The following RPS6KC1 variants were observed in gnomAD, a reference collection of about 807,000 sequenced individuals.
RPS6KC1 encodes ribosomal protein S6 kinase C1.
Under a neutral mutation model 103.8 loss-of-function variants are expected in RPS6KC1, and 54 were observed. That is an observed-to-expected ratio of 0.52 (90% CI 0.42 to 0.65). The LOEUF is 0.65. RPS6KC1 is among the 30% of genes least tolerant of loss of function. RPS6KC1 has a pLI of 0.00. For synonymous variants in RPS6KC1, 439 were observed against 438.7 expected (o/e 1.00, Z -0.01); for missense variants, 1,151 against 1,253.8 (o/e 0.92, Z 1.24).
chr1:213,101,878 A>T (rs2082046790), intron 3 of RPS6KC1, among the ~76,000 whole-genome samples: 4 of 152,224 alleles, frequency 2.6e-5, no homozygotes. Flanking sequence ...AATAATGAGC[A>T]TTTAATCTAG....
chr1:213,652,802 A>G, the RPS6KC1 span, among the ~76,000 whole-genome samples: 1 of 152,136 alleles, frequency 6.6e-6, no homozygotes, highest in Non-Finnish European at 1.5e-5. Flanking sequence ...CCCACCCTGC[A>G]CCTGAATGCA....
intron 5 of RPS6KC1, among the ~76,000 whole-genome samples, chr1:213,123,813 A>G (rs2084672303): frequency 6.6e-6 from 1 of 152,162 alleles, no homozygotes; most frequent in Non-Finnish European, 1.5e-5. Flanking sequence ...AGTGAAAGCT[A>G]TCAGCTAATA....
At chr1:213,076,919 G>C (rs928566770) in intron 2 of RPS6KC1, among the ~76,000 whole-genome samples, 3 of 151,764 alleles carry the variant, frequency 2.0e-5, no homozygotes, top group Non-Finnish European at 4.4e-5. Context: ...GCTGAGGCTG[G>C]AGTGCAGTGG....
intron 3 of RPS6KC1, among the ~76,000 whole-genome samples, chr1:213,102,014 G>A (rs2082061371): frequency 6.6e-6 from 1 of 152,166 alleles, no homozygotes; most frequent in Admixed American, 6.5e-5. Flanking sequence ...TAAGCGAGTA[G>A]TGTCATTTTA....
the RPS6KC1 span, among the ~76,000 whole-genome samples, chr1:213,407,690 GTCT>G: frequency 3.3e-5 from 5 of 152,184 alleles, no homozygotes; most frequent in Admixed American, 6.5e-5. Context: ...GTGTTTTGGA[GTCT>G]TCTTTGTGAA....
the RPS6KC1 span, among the ~76,000 whole-genome samples, chr1:213,609,514 G>A: frequency 6.6e-6 from 1 of 152,094 alleles, no homozygotes; most frequent in Non-Finnish European, 1.5e-5. Flanking sequence ...CAAACCAACA[G>A]CACAATCACC....
chr1:213,292,444 T>C, the RPS6KC1 span, among the ~76,000 whole-genome samples: 13 of 152,258 alleles, frequency 8.5e-5, no homozygotes, highest in Non-Finnish European at 1.6e-4. Flanking sequence ...TACAAAAAGG[T>C]CATCACTAAG....
chr1:213,324,986 A>T, the RPS6KC1 span, among the ~76,000 whole-genome samples: 2 of 152,082 alleles, frequency 1.3e-5, no homozygotes, highest in Admixed American at 1.3e-4. Flanking sequence ...CTCTCCAAGG[A>T]CCTCAATCTC....
At chr1:213,850,159 AT>A in the RPS6KC1 span, among the ~76,000 whole-genome samples, 1 of 152,120 alleles carries the variant, frequency 6.6e-6, no homozygotes, top group African/African-American at 2.4e-5. Context: ...GATAACAGTA[AT>A]CTTTATCTTG....
At chr1:213,237,167 T>C (rs1045340757) in intron 10 of RPS6KC1, among the ~76,000 whole-genome samples, 4 of 152,144 alleles carry the variant, frequency 2.6e-5, no homozygotes, top group Admixed American at 2.6e-4. Context: ...AGTATATCTT[T>C]ATGAGTATAT....
At chr1:213,825,814 T>A in the RPS6KC1 span, among the ~76,000 whole-genome samples, 454 of 152,344 alleles carry the variant, frequency 3.0e-3, 3 homozygotes, top group African/African-American at 0.01. Context: ...GTGGGATATT[T>A]TTGAGAAAAT....
At chr1:213,454,581 CA>C in the RPS6KC1 span, among the ~76,000 whole-genome samples, 3 of 152,156 alleles carry the variant, frequency 2.0e-5, no homozygotes, top group African/African-American at 7.2e-5. Context: ...TGTCTGTAGA[CA>C]AAAAGTATTC....
chr1:213,656,192 A>G, the RPS6KC1 span, among the ~76,000 whole-genome samples: 1 of 152,162 alleles, frequency 6.6e-6, no homozygotes, highest in Admixed American at 6.5e-5. Context: ...TCACAGAATC[A>G]TATGTGCAGC....
chr1:213,460,295 C>A, the RPS6KC1 span, among the ~76,000 whole-genome samples: 300 of 152,068 alleles, frequency 2.0e-3, 5 homozygotes, highest in Non-Finnish European at 3.1e-3. Flanking sequence ...GGATAGTTAG[C>A]TCTTCTTGTT....
chr1:213,168,060 G>A (rs1480871893), intron 7 of RPS6KC1, 87 bp downstream of exon 7: 1 of 745,788 alleles, frequency 1.3e-6, no homozygotes, highest in Non-Finnish European at 2.1e-6. Context: ...AATGTTATAG[G>A]ATTTTGATTT....
chr1:213,437,371 G>A, the RPS6KC1 span, among the ~76,000 whole-genome samples: 3 of 151,940 alleles, frequency 2.0e-5, no homozygotes, highest in African/African-American at 7.2e-5. Flanking sequence ...TTATTTGGTT[G>A]TAATGTAATT....
the RPS6KC1 span, among the ~76,000 whole-genome samples, chr1:213,367,469 A>C: frequency 6.6e-6 from 1 of 152,308 alleles, no homozygotes; most frequent in South Asian, 2.1e-4. Flanking sequence ...CTGTGACTTA[A>C]TGAGAATGGT....
the RPS6KC1 span, among the ~76,000 whole-genome samples, chr1:213,617,373 A>T: frequency 6.6e-6 from 1 of 152,212 alleles, no homozygotes. Context: ...CAGGGATAGG[A>T]GAGGCCAAGT....
chr1:213,414,402 G>T, the RPS6KC1 span, among the ~76,000 whole-genome samples: 1 of 152,156 alleles, frequency 6.6e-6, no homozygotes, highest in African/African-American at 2.4e-5. Context: ...TACTAGGTTG[G>T]AGTAAGCCCT....
Sources: allele counts gnomAD v4.1 joint callset (sites outside exome capture counted in the v4.1 genomes callset), GRCh38; gene constraint gnomAD v4.1.1; transcripts MANE v1.5; gene names NCBI Gene and HGNC (gene_info 2026-07-23, HGNC 2026-07-21).